The following COL22A1 variants were observed in gnomAD, a reference collection of about 807,000 sequenced individuals.
COL22A1 encodes collagen alpha-1(XXII) chain.
A neutral mutation model predicts 248.9 loss-of-function variants in COL22A1; 221 were observed. That is an observed-to-expected ratio of 0.89 (90% CI 0.80 to 0.99). COL22A1 has a LOEUF of 0.99. Ranked by LOEUF, COL22A1 falls within the 50% of genes least tolerant of loss-of-function variation. COL22A1 has a pLI of 0.00. For synonymous variants in COL22A1, 891 were observed against 793.4 expected (o/e 1.12, Z -2.07); for missense variants, 2,240 against 2,179.0 (o/e 1.03, Z -0.56).
chr8:138,778,330 C>T, intron 15 of COL22A1, 23 bp downstream of exon 15: 9 of 1,614,044 alleles, frequency 5.6e-6, no homozygotes, highest in Admixed American at 1.7e-5. Flanking sequence ...AGAACCCCTG[C>T]CCAGACAAGT....
At chr8:138,621,555 T>C (rs937517298) in intron 52 of COL22A1, among the ~76,000 whole-genome samples, 2 of 152,172 alleles carry the variant, frequency 1.3e-5, no homozygotes, top group African/African-American at 4.8e-5. Context: ...CCTCTCAGCA[T>C]AATACACGTT....
In COL22A1 at chr8:138,883,150, G is replaced by T; in HGVS notation, c.23C>A (p.Ala8Asp). 6.3e-7 allele frequency: 1 copy of T among 1,596,868 alleles called. No homozygotes were observed. The highest frequency in any genetic ancestry group is 1.1e-5 in the South Asian group (1 of 87,958). Residue 8 changes from alanine to aspartate, a missense_variant, in exon 2 of 65, where the codon GCT becomes GAT. By Grantham distance (126) the Ala-to-Asp change is moderately radical. Transcript: ENST00000303045. MAGLRGN[A>D]VAGLLWMLLL... ...CAGCATCCAGAGGAGGCCAGCCACA[G>T]CGTTCCCTCGGAGGCCGGCCATGGC...
At chr8:138,856,283 C>T (rs142957680) in intron 3 of COL22A1, among the ~76,000 whole-genome samples, 1 of 152,336 alleles carries the variant, frequency 6.6e-6, no homozygotes, top group African/African-American at 2.4e-5. Context: ...CAGGGCTGCA[C>T]TGTTCACTGT....
chr8:138,659,775 AG>A (rs1170089706), intron 44 of COL22A1, among the ~76,000 whole-genome samples: 3 of 152,192 alleles, frequency 2.0e-5, no homozygotes, highest in African/African-American at 7.2e-5. Flanking sequence ...GGCTGGACTG[AG>A]GCCACATTGC....
intron 1 of COL22A1, among the ~76,000 whole-genome samples, chr8:138,905,011 T>G (rs181047244): frequency 6.6e-6 from 1 of 152,184 alleles, no homozygotes; most frequent in Admixed American, 6.5e-5. Flanking sequence ...AAAAAGGGAG[T>G]ACTAATCTAC....
chr8:138,863,468 T>C (rs1306383578), intron 3 of COL22A1, among the ~76,000 whole-genome samples: 1 of 152,160 alleles, frequency 6.6e-6, no homozygotes, highest in Non-Finnish European at 1.5e-5. Flanking sequence ...GCCCCACCTC[T>C]GCTCAGGGAT....
chr8:138,848,611 A>G (rs1188137428), intron 3 of COL22A1, among the ~76,000 whole-genome samples: 1 of 152,186 alleles, frequency 6.6e-6, no homozygotes, highest in Non-Finnish European at 1.5e-5. Flanking sequence ...GCTCTCGGCC[A>G]AGAGTTTTTC....
intron 16 of COL22A1, among the ~76,000 whole-genome samples, chr8:138,763,584 T>C (rs534957632): frequency 2.6e-4 from 40 of 152,120 alleles, no homozygotes; most frequent in African/African-American, 9.6e-4. Flanking sequence ...TTCTTCCAGG[T>C]GGGCTGCAAG....
At chr8:138,730,146 C>T (rs536001652) in intron 23 of COL22A1, among the ~76,000 whole-genome samples, 1 of 152,182 alleles carries the variant, frequency 6.6e-6, no homozygotes, top group Non-Finnish European at 1.5e-5. Context: ...ACCACAAGGC[C>T]CCTGGACAGT....
chr8:138,903,372 C>T (rs866747018), intron 1 of COL22A1, among the ~76,000 whole-genome samples: 6 of 152,192 alleles, frequency 3.9e-5, no homozygotes, highest in Admixed American at 1.3e-4. Context: ...TCAGGACAGA[C>T]TGGGGGGCCT....
At chr8:138,908,276 T>C (rs1470074534) in intron 1 of COL22A1, among the ~76,000 whole-genome samples, 1 of 152,254 alleles carries the variant, frequency 6.6e-6, no homozygotes, top group Non-Finnish European at 1.5e-5. Flanking sequence ...TTGATTGATG[T>C]AGATGTTTGG....
At chr8:138,653,939 C>A (rs1240170044) in intron 45 of COL22A1, among the ~76,000 whole-genome samples, 1 of 152,216 alleles carries the variant, frequency 6.6e-6, no homozygotes, top group African/African-American at 2.4e-5. Flanking sequence ...TCTGTGGGAC[C>A]AGTGAGTCTC....
intron 3 of COL22A1, among the ~76,000 whole-genome samples, chr8:138,860,489 C>T (rs1822370436): frequency 6.6e-6 from 1 of 152,162 alleles, no homozygotes; most frequent in South Asian, 2.1e-4. Context: ...TATGTGTGAC[C>T]TCAAAGCCAC....
chr8:138,664,526 C>T (rs1427423979), intron 41 of COL22A1, among the ~76,000 whole-genome samples: 1 of 152,104 alleles, frequency 6.6e-6, no homozygotes, highest in East Asian at 1.9e-4. Flanking sequence ...GAAATCCTGC[C>T]TGTGGAGAGC....
intron 16 of COL22A1, 139 bp downstream of exon 16, chr8:138,775,827 T>TACATGTAC (rs1563748004): frequency 1.2e-6 from 1 of 844,308 alleles, no homozygotes; most frequent in Non-Finnish European, 2.0e-6. Context: ...CATGCAAATA[T>TACATGTAC]ACATGTACAC....
At chr8:138,806,574 G>A (rs376971548) in intron 10 of COL22A1, among the ~76,000 whole-genome samples, 4 of 152,240 alleles carry the variant, frequency 2.6e-5, no homozygotes, top group South Asian at 2.1e-4. Flanking sequence ...TCGCTCAGGC[G>A]AGTCATTTCA....
At position 138,821,406 on chromosome 8, in the gene COL22A1, G is replaced by A. The variant is rs1263751587; in HGVS notation, c.975C>T (p.Ser325=). 1.9e-6 allele frequency: 3 copies of A among 1,611,508 alleles called. No individual in the cohort carries two copies. Among genetic ancestry groups the A allele is most frequent in the Admixed American group, 3.3e-5 (2 of 59,980 alleles). ...CCTTGTTTTCACCATCCAGCCGGAT[G>A]GAGACCTGGGGAGGAAAGGACCAGA... ...VIDQYSIPQV[S]IRLDGENKAV... is the part of the protein sequence containing the mutation. The change falls in exon 7 of 65, where the codon TCC becomes TCT. Residue 325 remains serine (S), a synonymous_variant. Coordinates refer to ENST00000303045, the MANE Select transcript of COL22A1 (RefSeq NM_152888.3).
At chr8:138,885,341 A>G (rs1220952373) in intron 1 of COL22A1, among the ~76,000 whole-genome samples, 1 of 152,114 alleles carries the variant, frequency 6.6e-6, no homozygotes, top group Non-Finnish European at 1.5e-5. Flanking sequence ...GCCAGGTCAC[A>G]TAACTTGCCC....
At chr8:138,611,929 C>A (rs1172597601) in intron 56 of COL22A1, among the ~76,000 whole-genome samples, 1 of 152,230 alleles carries the variant, frequency 6.6e-6, no homozygotes, top group Non-Finnish European at 1.5e-5. Flanking sequence ...CAACCTAAAG[C>A]TCTTACAAGC....
Sources: allele counts gnomAD v4.1 joint callset (sites outside exome capture counted in the v4.1 genomes callset), GRCh38; gene constraint gnomAD v4.1.1; transcripts MANE v1.5; gene names NCBI Gene and HGNC (gene_info 2026-07-23, HGNC 2026-07-21).